ZNF609: variants seen among roughly 807,000 people sequenced by gnomAD.
The protein encoded by ZNF609 is zinc finger protein 609.
ZNF609 carries 11 observed loss-of-function variants against 109.5 expected under a neutral mutation model. That is an observed-to-expected ratio of 0.10 (90% CI 0.06 to 0.17). The LOEUF (loss-of-function observed/expected upper bound fraction) is 0.17, where lower values mean the gene tolerates loss of function less well. Ranked by LOEUF, ZNF609 falls within the 10% of genes least tolerant of loss-of-function variation. The pLI is 1.00. For missense variants in ZNF609, 1,559 were observed against 1,772.4 expected, an observed-to-expected ratio of 0.88 and a Z score of 2.16; for synonymous variants, 646 against 662.0, an observed-to-expected ratio of 0.98 and a Z score of 0.37.
intron 2 of ZNF609, among the ~76,000 whole-genome samples, chr15:64,530,420 G>A (rs1894042668): frequency 6.6e-6 from 1 of 152,200 alleles, no homozygotes; most frequent in Non-Finnish European, 1.5e-5. Context: ...TAGAGCAGAA[G>A]TGAAGATTAA....
intron 3 of ZNF609, among the ~76,000 whole-genome samples, chr15:64,660,231 C>A (rs1300999861): frequency 1.3e-5 from 2 of 152,046 alleles, no homozygotes; most frequent in Non-Finnish European, 2.9e-5. Flanking sequence ...CCTTTGAATG[C>A]CTAATATTAA....
chr15:64,598,105 C>T (rs75137679), intron 2 of ZNF609, among the ~76,000 whole-genome samples: 7,734 of 152,106 alleles, frequency 0.051, 270 homozygotes, highest in African/African-American at 0.095. Context: ...CAGATCTAAA[C>T]CTCTAATTCT....
chr15:64,602,231 A>C (rs928180353), intron 2 of ZNF609, among the ~76,000 whole-genome samples: 1 of 151,992 alleles, frequency 6.6e-6, no homozygotes, highest in Non-Finnish European at 1.5e-5. Flanking sequence ...TTTAAACTTC[A>C]TTTCCCCTTG....
chr15:64,554,873 T>C (rs1201272744), intron 2 of ZNF609, among the ~76,000 whole-genome samples: 1 of 150,818 alleles, frequency 6.6e-6, no homozygotes, highest in Non-Finnish European at 1.5e-5. Context: ...GAGACGAGTG[T>C]ATCACCTGAG....
intron 3 of ZNF609, among the ~76,000 whole-genome samples, chr15:64,657,776 G>A (rs1232436432): frequency 2.0e-5 from 3 of 152,216 alleles, no homozygotes; most frequent in Admixed American, 6.5e-5. Context: ...GGGATGTGGA[G>A]AGGAAGACAT....
intron 2 of ZNF609, among the ~76,000 whole-genome samples, chr15:64,536,020 C>T (rs1293788280): frequency 6.6e-6 from 1 of 151,748 alleles, no homozygotes; most frequent in Non-Finnish European, 1.5e-5. Flanking sequence ...AAAGACTCAC[C>T]ATTTTCTAAC....
At chr15:64,491,231 G>A (rs1893408035) in intron 1 of ZNF609, among the ~76,000 whole-genome samples, 1 of 152,210 alleles carries the variant, frequency 6.6e-6, no homozygotes, top group African/African-American at 2.4e-5. Flanking sequence ...CCCATGAAGT[G>A]TGGCAGGTAG....
At chr15:64,626,455 G>GT (rs143417542) in intron 3 of ZNF609, among the ~76,000 whole-genome samples, 14 of 151,324 alleles carry the variant, frequency 9.3e-5, no homozygotes, top group East Asian at 1.9e-4. Context: ...AGACTTCTAG[G>GT]TTTTTTTTTC....
At chr15:64,567,659 T>A (rs771588222) in intron 2 of ZNF609, among the ~76,000 whole-genome samples, 13 of 152,138 alleles carry the variant, frequency 8.5e-5, no homozygotes, top group East Asian at 1.9e-4. Flanking sequence ...AACATTTATT[T>A]TTTATTTATT....
At chr15:64,509,571 T>C (rs1893687633) in intron 2 of ZNF609, among the ~76,000 whole-genome samples, 1 of 152,218 alleles carries the variant, frequency 6.6e-6, no homozygotes, top group South Asian at 2.1e-4. Flanking sequence ...CTCCTACTGA[T>C]TTCCAAGAAG....
At chr15:64,508,226 G>A (rs968034182) in intron 2 of ZNF609, among the ~76,000 whole-genome samples, 2 of 152,196 alleles carry the variant, frequency 1.3e-5, no homozygotes, top group African/African-American at 2.4e-5. Context: ...CTTGTTTTGG[G>A]GGTTGGTATT....
chr15:64,619,276 A>G (rs112226132), intron 2 of ZNF609, among the ~76,000 whole-genome samples: 9,318 of 152,320 alleles, frequency 0.061, 293 homozygotes, highest in South Asian at 0.087. Context: ...CTGGGACTAC[A>G]GGCTTGAGCC....
intron 1 of ZNF609, among the ~76,000 whole-genome samples, chr15:64,465,384 T>C (rs1267737698): frequency 1.3e-5 from 2 of 152,174 alleles, no homozygotes; most frequent in Non-Finnish European, 2.9e-5. Context: ...GTTTGTTTGT[T>C]TGTTTTTCTT....
At chr15:64,519,138 G>A (rs914135802) in intron 2 of ZNF609, among the ~76,000 whole-genome samples, 8 of 133,124 alleles carry the variant, frequency 6.0e-5, no homozygotes, top group African/African-American at 2.3e-4. Flanking sequence ...GGGGGCGGGG[G>A]CGGGTCAGGG....
intron 2 of ZNF609, among the ~76,000 whole-genome samples, chr15:64,524,081 A>G (rs1283207340): frequency 6.9e-6 from 1 of 144,576 alleles, no homozygotes; most frequent in Non-Finnish European, 1.5e-5. Flanking sequence ...TTTTTTTTTC[A>G]GTATACAATT....
chr15:64,617,869 TAA>T (rs1466445100), intron 2 of ZNF609, among the ~76,000 whole-genome samples: 7 of 152,158 alleles, frequency 4.6e-5, no homozygotes, highest in Non-Finnish European at 1.0e-4. Context: ...AAATTCTCTA[TAA>T]GTCTCTTTTC....
chr15:64,503,724 G>A (rs1300096854), intron 2 of ZNF609, among the ~76,000 whole-genome samples: 1 of 152,182 alleles, frequency 6.6e-6, no homozygotes, highest in Non-Finnish European at 1.5e-5. Flanking sequence ...TTTTGATCTT[G>A]CAAGGTAGGA....
chr15:64,568,041 C>T (rs1482848501), intron 2 of ZNF609, among the ~76,000 whole-genome samples: 2 of 152,066 alleles, frequency 1.3e-5, no homozygotes, highest in Non-Finnish European at 2.9e-5. Context: ...TCACCCACCA[C>T]CTAGATTCAA....
chr15:64,673,281 C>T (rs1025914791), intron 4 of ZNF609, among the ~76,000 whole-genome samples: 1 of 152,174 alleles, frequency 6.6e-6, no homozygotes, highest in Admixed American at 6.5e-5. Context: ...TCAAAACCAT[C>T]TTTAGATTTA....
Sources: allele counts gnomAD v4.1 joint callset (sites outside exome capture counted in the v4.1 genomes callset), GRCh38; gene constraint gnomAD v4.1.1; transcripts MANE v1.5; gene names NCBI Gene and HGNC (gene_info 2026-07-23, HGNC 2026-07-21).